The following CREB5 variants were observed in gnomAD, a reference collection of about 807,000 sequenced individuals.
CREB5 encodes the protein cyclic AMP-responsive element-binding protein 5.
Under a neutral mutation model 57.1 loss-of-function variants are expected in CREB5, and 19 were observed. The observed-to-expected ratio is 0.33, with a 90% CI of 0.23 to 0.49. CREB5 has a LOEUF of 0.49. Ranked by LOEUF, CREB5 falls within the 20% of genes least tolerant of loss-of-function variation. The pLI, the probability that CREB5 is intolerant of heterozygous loss-of-function variation, is 0.99. For missense variants in CREB5, 579 were observed against 671.6 expected (o/e 0.86, Z 1.52); for synonymous variants, 238 against 238.3 (o/e 1.00, Z 0.01).
intron 1 of CREB5, among the ~76,000 whole-genome samples, chr7:28,371,880 G>A (rs982989546): frequency 6.6e-6 from 1 of 152,136 alleles, no homozygotes; most frequent in African/African-American, 2.4e-5. Context: ...TCCCAATCAT[G>A]GTTAAGTAAA....
intron 4 of CREB5, among the ~76,000 whole-genome samples, chr7:28,544,506 T>C (rs1794339399): frequency 1.3e-5 from 2 of 152,238 alleles, no homozygotes. Context: ...TCCTGTGAAG[T>C]GATATGTGCT....
chr7:28,460,457 C>A (rs900464785), intron 1 of CREB5, among the ~76,000 whole-genome samples: 3 of 152,144 alleles, frequency 2.0e-5, no homozygotes, highest in Non-Finnish European at 2.9e-5. Context: ...TGATTATATA[C>A]CTGGTAACTG....
At position 28,570,547 on chromosome 7, in the gene CREB5, C is replaced by A; in HGVS notation, c.464+10C>A. 6.2e-7 allele frequency: 1 copy of A among 1,611,014 alleles called. No homozygotes were observed. Among genetic ancestry groups the A allele is most frequent in the Non-Finnish European group, 8.5e-7 (1 of 1,177,932 alleles). On this transcript the variant is annotated intron_variant, in intron 5 of 10. Transcript: ENST00000357727. ...CCAACCGCCAGATCGGGTAAGGAGC[C>A]CTCCTTGGCTGCCCCTGGGTCCTGG...
intron 1 of CREB5, among the ~76,000 whole-genome samples, chr7:28,438,642 T>A (rs1332839996): frequency 6.6e-6 from 1 of 152,194 alleles, no homozygotes; most frequent in African/African-American, 2.4e-5. Context: ...TGAAGCTTTC[T>A]TGTGTGTGAA....
At chr7:28,551,823 T>TTCTG (rs1794655523) in intron 4 of CREB5, among the ~76,000 whole-genome samples, 1 of 147,624 alleles carries the variant, frequency 6.8e-6, no homozygotes, top group Admixed American at 6.7e-5. Context: ...TCTATGATTT[T>TTCTG]TCTTTCTTTC....
In CREB5 at chr7:28,459,202, G is replaced by A. The variant is rs1051533385; in HGVS notation, c.4-28973G>A. On this transcript the variant is annotated intron_variant, in intron 1 of 10. Coordinates refer to ENST00000357727, the MANE Select transcript of CREB5 (RefSeq NM_182898.4). ...TGGTCACGCTCCTGTGTGTGTGTGC[G>A]GGGGAGTCTGTCTTCAGAGCTTCCA... Among the ~76,000 whole-genome samples the A allele has an allele frequency of 9.2e-5, 14 of 152,184 alleles. No homozygotes were observed. The South Asian group carries it at 1.0e-3, about 11-fold the overall frequency.
intron 5 of CREB5, among the ~76,000 whole-genome samples, chr7:28,664,409 G>T: frequency 6.6e-6 from 1 of 152,118 alleles, no homozygotes; most frequent in East Asian, 1.9e-4. Context: ...AAGAAAAGAT[G>T]AAAAATACAT....
At chr7:28,695,158 TCCA>T (rs1473140240) in intron 5 of CREB5, among the ~76,000 whole-genome samples, 18 of 152,228 alleles carry the variant, frequency 1.2e-4, no homozygotes, top group African/African-American at 3.6e-4. Flanking sequence ...GCCCGGTAGT[TCCA>T]GGCTGCAGTG....
chr7:28,725,817 G>A (rs1803308174), intron 7 of CREB5, among the ~76,000 whole-genome samples: 1 of 152,122 alleles, frequency 6.6e-6, no homozygotes, highest in Non-Finnish European at 1.5e-5. Context: ...CTTCTTATCT[G>A]CTTCAGGGTC....
chr7:28,354,002 T>C (rs1786290737), intron 1 of CREB5, among the ~76,000 whole-genome samples: 1 of 152,170 alleles, frequency 6.6e-6, no homozygotes, highest in Non-Finnish European at 1.5e-5. Context: ...GAGCTTGGAC[T>C]ATATCTGGAG....
chr7:28,793,502 G>A (rs761356793), intron 7 of CREB5, among the ~76,000 whole-genome samples: 20 of 152,220 alleles, frequency 1.3e-4, no homozygotes, highest in African/African-American at 4.6e-4. Flanking sequence ...CTGTCTCGAG[G>A]GGTAGACATG....
intron 1 of CREB5, among the ~76,000 whole-genome samples, chr7:28,312,879 T>A (rs1583663600): frequency 6.6e-6 from 1 of 152,176 alleles, no homozygotes; most frequent in African/African-American, 2.4e-5. Flanking sequence ...TGGTAGAGCA[T>A]CAGTTTCTCA....
At chr7:28,759,494 GCA>G (rs1805526604) in intron 7 of CREB5, among the ~76,000 whole-genome samples, 1 of 152,196 alleles carries the variant, frequency 6.6e-6, no homozygotes, top group African/African-American at 2.4e-5. Context: ...GTAGATATGT[GCA>G]GTCTACCAGA....
At chr7:28,361,891 G>A (rs1786492965) in intron 1 of CREB5, among the ~76,000 whole-genome samples, 1 of 152,128 alleles carries the variant, frequency 6.6e-6, no homozygotes. Context: ...GCTTCTAATT[G>A]TAATTTTCCC....
intron 1 of CREB5, among the ~76,000 whole-genome samples, chr7:28,430,728 A>G (rs778070548): frequency 4.6e-5 from 7 of 152,194 alleles, no homozygotes; most frequent in Non-Finnish European, 7.3e-5. Flanking sequence ...AAACAATTGG[A>G]TCAGTTAGCT....
intron 5 of CREB5, among the ~76,000 whole-genome samples, chr7:28,638,137 G>A (rs192658301): frequency 6.6e-6 from 1 of 152,044 alleles, no homozygotes; most frequent in Non-Finnish European, 1.5e-5. Flanking sequence ...TGTTTTGTAT[G>A]CCAAATGAGG....
chr7:28,672,316 A>C (rs538395694), intron 5 of CREB5, among the ~76,000 whole-genome samples: 1 of 152,222 alleles, frequency 6.6e-6, no homozygotes, highest in South Asian at 2.1e-4. Context: ...TCCTTGGGAA[A>C]AGTTTTAAGA....
At chr7:28,573,572 C>G (rs905538818) in intron 5 of CREB5, among the ~76,000 whole-genome samples, 2 of 152,194 alleles carry the variant, frequency 1.3e-5, no homozygotes, top group East Asian at 1.9e-4. Flanking sequence ...CCTGCTCCCC[C>G]CTCTTCCCTT....
intron 1 of CREB5, among the ~76,000 whole-genome samples, chr7:28,453,867 G>C (rs910666537): frequency 2.6e-5 from 4 of 152,046 alleles, no homozygotes; most frequent in Non-Finnish European, 5.9e-5. Flanking sequence ...TCTTTACTTT[G>C]TTGGTGTGTG....
Sources: gnomAD v4.1 joint callset for allele counts (sites outside exome capture counted in the v4.1 genomes callset) on GRCh38, gnomAD v4.1.1 for gene constraint, MANE v1.5 for transcripts, NCBI Gene and HGNC (gene_info 2026-07-23, HGNC 2026-07-21) for gene names.